The following SETBP1 variants were observed in gnomAD, a reference collection of about 807,000 sequenced individuals.
SETBP1 encodes SET-binding protein.
A neutral mutation model predicts 101.0 loss-of-function variants in SETBP1; 9 were observed. The ratio of observed to expected loss-of-function variants is 0.09; its 90% CI spans 0.05 to 0.16. SETBP1 has a LOEUF of 0.16. SETBP1 is among the 10% of genes least tolerant of loss of function. The probability of loss-of-function intolerance (pLI) is 1.00; values close to 1 mark genes in which losing one functional copy is unlikely to be tolerated. For missense variants in SETBP1, 1,858 were observed against 2,033.8 expected (o/e 0.91, Z 1.66); for synonymous variants, 818 against 788.5 (o/e 1.04, Z -0.63).
intron 2 of SETBP1, among the ~76,000 whole-genome samples, chr18:44,721,899 A>C (rs1384011697): frequency 6.6e-6 from 1 of 152,250 alleles, no homozygotes; most frequent in Non-Finnish European, 1.5e-5. Flanking sequence ...ATCTGTGGTC[A>C]CTTGCAAAAT....
At position 44,984,032 on chromosome 18, in the gene SETBP1, C is replaced by T. The variant is rs188807806; in HGVS notation, c.4000+30692C>T. On this transcript the variant is annotated intron_variant, in intron 4 of 5. Transcript: ENST00000649279. ...CCCGGCTAACATGGTGAAACCCCGT[C>T]TCTACTAAAAATACAAAAATTAGCC... Among the ~76,000 whole-genome samples the T allele has an allele frequency of 1.9e-3, 283 of 152,156 alleles. 1 individual carries two copies. Among genetic ancestry groups the T allele is most frequent in the African/African-American group, 6.6e-3 (274 of 41,518 alleles).
chr18:45,050,263 T>C (rs753080454), intron 5 of SETBP1, among the ~76,000 whole-genome samples: 13 of 152,250 alleles, frequency 8.5e-5, no homozygotes, highest in Non-Finnish European at 1.8e-4. Context: ...ATACAAAGCA[T>C]AGCTGTTACA....
intron 2 of SETBP1, among the ~76,000 whole-genome samples, chr18:44,758,159 A>G (rs924740673): frequency 8.5e-5 from 13 of 152,180 alleles, no homozygotes; most frequent in Admixed American, 2.6e-4. Context: ...TAGTCTGGAC[A>G]TAGATTACTG....
intron 2 of SETBP1, among the ~76,000 whole-genome samples, chr18:44,723,568 C>A (rs2069647306): frequency 6.6e-6 from 1 of 152,198 alleles, no homozygotes; most frequent in South Asian, 2.1e-4. Context: ...AGACAGGAGA[C>A]TGAATTGCTG....
intron 3 of SETBP1, among the ~76,000 whole-genome samples, chr18:44,899,351 T>C (rs998374212): frequency 6.6e-6 from 1 of 152,172 alleles, no homozygotes; most frequent in East Asian, 1.9e-4. Context: ...GAGGCATTCC[T>C]CCCCAAAGGA....
chr18:44,817,690 A>T (rs867662228), intron 2 of SETBP1, among the ~76,000 whole-genome samples: 1 of 151,624 alleles, frequency 6.6e-6, no homozygotes, highest in Non-Finnish European at 1.5e-5. Flanking sequence ...ATCTCAAAAA[A>T]AAAAAAAGAA....
At chr18:44,933,957 G>T (rs1228929296) in intron 3 of SETBP1, among the ~76,000 whole-genome samples, 1 of 152,146 alleles carries the variant, frequency 6.6e-6, no homozygotes, top group Non-Finnish European at 1.5e-5. Context: ...ACAAGCCCCA[G>T]TGAGATGAAC....
chr18:44,792,528 C>T (rs975719431), intron 2 of SETBP1, among the ~76,000 whole-genome samples: 1 of 152,196 alleles, frequency 6.6e-6, no homozygotes, highest in Non-Finnish European at 1.5e-5. Context: ...AGGGTAGTTG[C>T]CAGAGCTGGC....
chr18:44,805,623 G>C (rs899624790), intron 2 of SETBP1, among the ~76,000 whole-genome samples: 2 of 152,036 alleles, frequency 1.3e-5, no homozygotes, highest in African/African-American at 2.4e-5. Flanking sequence ...GAATTTCCAT[G>C]GTCTGTTAAA....
At chr18:44,852,563 T>G (rs2072894112) in intron 2 of SETBP1, among the ~76,000 whole-genome samples, 1 of 152,206 alleles carries the variant, frequency 6.6e-6, no homozygotes, top group Non-Finnish European at 1.5e-5. Context: ...ATATTCTCAC[T>G]AATATCATTT....
At chr18:44,909,369 G>C (rs930597435) in intron 3 of SETBP1, among the ~76,000 whole-genome samples, 4 of 152,206 alleles carry the variant, frequency 2.6e-5, no homozygotes, top group African/African-American at 4.8e-5. Flanking sequence ...CCAGTTTGTA[G>C]GTGTCTGCTC....
intron 2 of SETBP1, among the ~76,000 whole-genome samples, chr18:44,713,726 C>G (rs979828473): frequency 5.9e-5 from 9 of 152,372 alleles, no homozygotes; most frequent in African/African-American, 2.2e-4. Context: ...ACCTGCCAAA[C>G]TAATATTGTC....
At chr18:44,681,299 C>G (rs990179798) in intron 1 of SETBP1, among the ~76,000 whole-genome samples, 16 of 152,162 alleles carry the variant, frequency 1.1e-4, no homozygotes, top group African/African-American at 3.9e-4. Context: ...TTGTTTTTGT[C>G]TTCCAAACCA....
intron 3 of SETBP1, among the ~76,000 whole-genome samples, chr18:44,948,860 A>G (rs1435316218): frequency 6.6e-6 from 1 of 152,214 alleles, no homozygotes; most frequent in Non-Finnish European, 1.5e-5. Flanking sequence ...CTCCAGCAAC[A>G]TGTTCAGCTT....
At chr18:44,971,575 G>T (rs142519727) in intron 4 of SETBP1, among the ~76,000 whole-genome samples, 33,347 of 152,066 alleles carry the variant, frequency 0.22, 4,009 homozygotes, top group East Asian at 0.55. Context: ...ATTCTAACTG[G>T]TGTGAGATGG....
intron 2 of SETBP1, among the ~76,000 whole-genome samples, chr18:44,818,495 G>A (rs2072032043): frequency 6.6e-6 from 1 of 152,072 alleles, no homozygotes; most frequent in South Asian, 2.1e-4. Context: ...ATGGTCAGTG[G>A]GATAGTGGCC....
At position 44,706,591 on chromosome 18, in the gene SETBP1, CAAAAAAAAAAAAAAAAAA is replaced by C. The variant is rs1018470585; in HGVS notation, c.486+4777_486+4794del. Among the ~76,000 whole-genome samples the C allele has an allele frequency of 2.9e-4, 5 of 16,974 alleles. No individual in the cohort carries two copies. The Admixed American group carries it at 3.9e-3, about 13-fold the overall frequency. 11.1% of individuals were successfully genotyped at this position (16,974 alleles called of 152,430 possible). On this transcript the variant is annotated intron_variant, in intron 2 of 5. Transcript: ENST00000649279. ...TGGGTGACAGAATGAGACTCAATCT[CAAAAAAAAAAAAAAAAAA>C]AAAAAAAAAAAAAAAAATTCCAGTA...
At chr18:44,844,119 G>T (rs1031186105) in intron 2 of SETBP1, among the ~76,000 whole-genome samples, 1 of 152,062 alleles carries the variant, frequency 6.6e-6, no homozygotes, top group Non-Finnish European at 1.5e-5. Context: ...ATGAGGGAAC[G>T]TATTTTCTCC....
chr18:44,780,680 C>T (rs140007396), intron 2 of SETBP1, among the ~76,000 whole-genome samples: 3 of 152,330 alleles, frequency 2.0e-5, no homozygotes, highest in South Asian at 4.1e-4. Context: ...CCCAGCCTTA[C>T]AGGGAACAAA....
Sources: gnomAD v4.1 joint callset for allele counts (sites outside exome capture counted in the v4.1 genomes callset) on GRCh38, gnomAD v4.1.1 for gene constraint, MANE v1.5 for transcripts, NCBI Gene and HGNC (gene_info 2026-07-23, HGNC 2026-07-21) for gene names.